NRL: variants seen among roughly 807,000 people sequenced by gnomAD.
NRL encodes neural retina-specific leucine zipper protein.
A neutral mutation model predicts 12.5 loss-of-function variants in NRL; 16 were observed. The ratio of observed to expected loss-of-function variants is 1.28; its 90% CI spans 0.87 to 1.95. The LOEUF (loss-of-function observed/expected upper bound fraction) is 1.95. Ranked by LOEUF, NRL falls within the 30% of genes most tolerant of loss-of-function variation. NRL has a pLI of 0.00. For missense variants in NRL, 314 were observed against 325.8 expected, an observed-to-expected ratio of 0.96 and a Z score of 0.28; for synonymous variants, 142 against 150.9, an observed-to-expected ratio of 0.94 and a Z score of 0.43.
At chr14:24,099,060 A>G (rs1206347838) in intron 1 of NRL, 2 of 1,600,990 alleles carry the variant, frequency 1.2e-6, no homozygotes, top group Non-Finnish European at 1.7e-6. Context: ...GGAGCCAGTG[A>G]GCCAGTGGCC....
intron 1 of NRL, among the ~76,000 whole-genome samples, chr14:24,106,182 T>C (rs2037336628): frequency 6.6e-6 from 1 of 152,246 alleles, no homozygotes; most frequent in African/African-American, 2.4e-5. Context: ...CAGCTTAGGA[T>C]AACTTCTGTG....
At chr14:24,102,815 A>G (rs1207243938) in intron 1 of NRL, 1 of 1,613,962 alleles carries the variant, frequency 6.2e-7, no homozygotes. Flanking sequence ...CCAGTGCCCC[A>G]TCATGGACCC....
intron 1 of NRL, among the ~76,000 whole-genome samples, chr14:24,107,731 T>C (rs2037360706): frequency 6.6e-6 from 1 of 152,204 alleles, no homozygotes; most frequent in Admixed American, 6.5e-5. Flanking sequence ...GTTCAGTGTC[T>C]AAATGCATTA....
chr14:24,084,732 C>T (rs2036423387), intron 1 of NRL: 1 of 985,042 alleles, frequency 1.0e-6, no homozygotes, highest in Non-Finnish European at 1.2e-6. Context: ...AGATCATTTG[C>T]ATATCTTATT....
chr14:24,099,685 G>C lies in NRL; in HGVS notation c.-28+15037C>G, dbSNP rs547509983. On this transcript the variant is annotated intron_variant, in intron 1 of 2. Transcript: ENST00000561028. ...CCAGGCTGGAAAGTGGAGTGTGTGGGGGATGATATTGCTTGGATGAGGTTT... is the reference window on the plus strand; with the variant it reads ...CCAGGCTGGAAAGTGGAGTGTGTGGCGGATGATATTGCTTGGATGAGGTTT... 3 of 1,614,140 alleles carry C rather than the reference G, an allele frequency of 1.9e-6. No individual in the cohort carries two copies. The South Asian group carries it at 3.3e-5, about 18-fold the overall frequency.
chr14:24,093,299 A>G (rs974437918), intron 1 of NRL: 2 of 152,290 alleles, frequency 1.3e-5, no homozygotes, highest in Non-Finnish European at 2.9e-5. Flanking sequence ...AGATGTCCCA[A>G]TGGAGGTATA....
intron 1 of NRL, chr14:24,100,312 C>A (rs2037111548): frequency 1.3e-6 from 2 of 1,529,776 alleles, no homozygotes; most frequent in South Asian, 1.3e-5. Flanking sequence ...CTAGGACTGC[C>A]AGGAGGCACA....
At chr14:24,102,662 AAAG>A in intron 1 of NRL, 3 of 1,177,404 alleles carry the variant, frequency 2.5e-6, no homozygotes, top group Admixed American at 4.4e-5. Context: ...AAAAAAAAAA[AAAG>A]AACCCTGCAA....
intron 1 of NRL, chr14:24,100,703 C>T (rs570060302): frequency 1.3e-5 from 4 of 303,452 alleles, no homozygotes; most frequent in East Asian, 1.7e-4. Flanking sequence ...TCCAACTCTC[C>T]TCCTGCCACT....
intron 1 of NRL, among the ~76,000 whole-genome samples, chr14:24,104,498 G>A (rs569231576): frequency 1.3e-5 from 2 of 151,796 alleles, no homozygotes; most frequent in East Asian, 3.9e-4. Flanking sequence ...AATTAACCGG[G>A]AGTGGTGGCG....
chr14:24,100,347 C>T (rs1256622600), intron 1 of NRL: 1 of 1,472,202 alleles, frequency 6.8e-7, no homozygotes, highest in Non-Finnish European at 9.0e-7. Flanking sequence ...TTGCAGTTTC[C>T]AGTCCCAGGC....
Position 24,099,998 on chromosome 14 carries a change from G to A in NRL, c.-28+14724C>T, listed in dbSNP as rs754274488. The A allele has an allele frequency of 8.7e-6, 14 of 1,613,992 alleles. No individual in the cohort carries two copies. Among genetic ancestry groups the A allele is most frequent in the Middle Eastern group, 1.6e-4 (1 of 6,084 alleles). On this transcript the variant is annotated intron_variant, in intron 1 of 2. Transcript: ENST00000561028. ...TTTCTTTCACTTCTCCTAACAGGTC[G>A]ACTCCGGGCCATCAACCCTGAGAAC...
rs563043987 is a variant in NRL, at chr14:24,082,021, G to A, written c.381+447C>T. 24 of 1,201,720 alleles carry A rather than the reference G, an allele frequency of 2.0e-5. No homozygotes were observed. In the South Asian group the frequency reaches 3.9e-4, roughly 20 times the overall value. The allele number at this position is 1,201,720 out of a possible 1,614,324, so 74.4% of individuals were successfully genotyped here. On this transcript the variant is annotated intron_variant, in intron 2 of 2. Coordinates refer to ENST00000561028, the MANE Select transcript of NRL (RefSeq NM_001354768.3). Reference sequence around the variant, plus strand: ...TAATGCCCGCAACACCCCCATCTGTGTCTGTAATTAATAGGATGAGTCCCA... The same window carrying A: ...TAATGCCCGCAACACCCCCATCTGTATCTGTAATTAATAGGATGAGTCCCA...
intron 1 of NRL, chr14:24,097,249 G>A (rs2036927971): frequency 1.9e-6 from 2 of 1,029,142 alleles, no homozygotes; most frequent in East Asian, 2.4e-5. Flanking sequence ...AAGAATGAGA[G>A]CTTTGGGGTA....
chr14:24,079,528 C>T lies in NRL; in HGVS notation c.*1708G>A, dbSNP rs192465074. ...GAGGAGACGAGAGAAATTCTGAGAG[C>T]GATGGAGGAGAGGACTCCCATTGCA... On this transcript the variant is annotated 3_prime_UTR_variant, in exon 3 of 3. Transcript: ENST00000561028. Among the ~76,000 whole-genome samples the T allele has an allele frequency of 2.6e-5, 4 of 151,868 alleles. No individual in the cohort carries two copies. The highest frequency in any genetic ancestry group is 4.2e-4 in the South Asian group (2 of 4,812).
At position 24,098,174 on chromosome 14, in the gene NRL, C is replaced by A. The variant is rs188282904; in HGVS notation, c.-27-15299G>T. The A allele has an allele frequency of 9.6e-6, 15 of 1,564,958 alleles. No individual in the cohort carries two copies. The African/African-American group carries it at 1.9e-4, about 20-fold the overall frequency. The stretch of plus-strand genomic sequence containing the variant: ...GGGACAAGGGAAACCTGCTGGCCAC[C>A]ATCTTCCTGACAATCCCCTCTCCCC... On this transcript the variant is annotated intron_variant, in intron 1 of 2. Coordinates refer to ENST00000561028, the MANE Select transcript of NRL (RefSeq NM_001354768.3).
intron 1 of NRL, among the ~76,000 whole-genome samples, 151 bp from the exon 2 acceptor site, chr14:24,083,026 A>G (rs1416832400): frequency 1.3e-5 from 2 of 152,216 alleles, no homozygotes; most frequent in African/African-American, 4.8e-5. Flanking sequence ...CAGAGTCCCC[A>G]CCAGGCTGAA....
chr14:24,097,016 G>T (rs1202470079), intron 1 of NRL: 1 of 1,613,422 alleles, frequency 6.2e-7, no homozygotes, highest in Non-Finnish European at 8.5e-7. Flanking sequence ...AGAGCACAGT[G>T]CCCGCCTGTG....
chr14:24,110,741 T>C (rs1416605136), intron 1 of NRL: 1 of 152,322 alleles, frequency 6.6e-6, no homozygotes, highest in Non-Finnish European at 1.5e-5. Context: ...TAAATTTTTA[T>C]GCATGTCCGG....
Sources: gnomAD v4.1 joint callset for allele counts (sites outside exome capture counted in the v4.1 genomes callset) on GRCh38, gnomAD v4.1.1 for gene constraint, MANE v1.5 for transcripts, NCBI Gene and HGNC (gene_info 2026-07-23, HGNC 2026-07-21) for gene names.